RBFOX1: variants seen among roughly 807,000 people sequenced by gnomAD.
RBFOX1 encodes RNA binding fox-1 homolog 1.
Under a neutral mutation model 57.7 loss-of-function variants are expected in RBFOX1, and 8 were observed. The observed-to-expected ratio is 0.14, with a 90% CI of 0.08 to 0.25. RBFOX1 has a LOEUF of 0.25. Among genes scored for constraint, RBFOX1 ranks in the 10% least tolerant of loss-of-function variants. The probability of loss-of-function intolerance (pLI) is 1.00; values close to 1 mark genes in which losing one functional copy is unlikely to be tolerated. For synonymous variants in RBFOX1, 326 were observed against 222.4 expected (o/e 1.47, Z -4.15); for missense variants, 611 against 548.5 (o/e 1.11, Z -1.14).
intron 3 of RBFOX1, among the ~76,000 whole-genome samples, chr16:6,828,593 G>A (rs1318157559): frequency 3.3e-5 from 5 of 151,732 alleles, no homozygotes; most frequent in African/African-American, 7.3e-5. Context: ...CTGAAAAACC[G>A]GGCATGGACC....
chr16:6,925,313 TA>T (rs59524040), intron 3 of RBFOX1, among the ~76,000 whole-genome samples: 6,873 of 150,974 alleles, frequency 0.046, 516 homozygotes, highest in African/African-American at 0.16. Flanking sequence ...TTTGTAGAGA[TA>T]GGGTTTCGTC....
chr16:5,387,115 G>A (rs1432023213), intron 1 of RBFOX1, among the ~76,000 whole-genome samples: 2 of 152,200 alleles, frequency 1.3e-5, no homozygotes, highest in Non-Finnish European at 2.9e-5. Context: ...TTAGGCTTGA[G>A]CTGTCTCCCC....
At chr16:6,752,728 A>T (rs898533956) in intron 3 of RBFOX1, among the ~76,000 whole-genome samples, 1 of 152,128 alleles carries the variant, frequency 6.6e-6, no homozygotes, top group Non-Finnish European at 1.5e-5. Context: ...CTTGATTTCA[A>T]AACTTTCCTA....
intron 4 of RBFOX1, among the ~76,000 whole-genome samples, chr16:7,289,848 C>T (rs973296077): frequency 5.3e-5 from 8 of 152,174 alleles, no homozygotes; most frequent in Admixed American, 3.9e-4. Flanking sequence ...TTTTAAATAA[C>T]TTGCCAAAAG....
At chr16:6,089,206 C>G (rs1349892043) in intron 1 of RBFOX1, among the ~76,000 whole-genome samples, 1 of 151,850 alleles carries the variant, frequency 6.6e-6, no homozygotes, top group African/African-American at 2.4e-5. Flanking sequence ...ATTCTGCATT[C>G]CAGGAGAACA....
chr16:5,834,722 GATACATAGATACATACATAC>G (rs1269384934), intron 3 of RBFOX1, among the ~76,000 whole-genome samples: 7 of 133,724 alleles, frequency 5.2e-5, no homozygotes, highest in African/African-American at 2.2e-4. Flanking sequence ...TAGATACATA[GATACATAGATACATACATAC>G]ATACATACAT....
At chr16:5,478,229 G>A (rs1001293423) in intron 2 of RBFOX1, among the ~76,000 whole-genome samples, 6 of 151,660 alleles carry the variant, frequency 4.0e-5, no homozygotes, top group African/African-American at 1.5e-4. Context: ...ACTAGCGAAG[G>A]GAGTTTGATT....
intron 4 of RBFOX1, among the ~76,000 whole-genome samples, chr16:7,380,947 T>C (rs1373334452): frequency 1.3e-5 from 2 of 152,326 alleles, no homozygotes; most frequent in East Asian, 3.9e-4. Flanking sequence ...GAAAGAACAG[T>C]ATTTTGAATC....
At chr16:6,868,497 A>C (rs2143001237) in intron 3 of RBFOX1, among the ~76,000 whole-genome samples, 1 of 152,040 alleles carries the variant, frequency 6.6e-6, no homozygotes, top group Non-Finnish European at 1.5e-5. Flanking sequence ...TTTTTGAGAC[A>C]GTCTCACTCT....
chr16:6,245,152 T>G (rs2097562176), intron 1 of RBFOX1, among the ~76,000 whole-genome samples: 3 of 152,178 alleles, frequency 2.0e-5, no homozygotes, highest in Admixed American at 2.0e-4. Context: ...AACTCACAAA[T>G]AAATGCGTGA....
intron 3 of RBFOX1, among the ~76,000 whole-genome samples, chr16:7,024,305 G>C (rs183975249): frequency 1.3e-5 from 2 of 152,300 alleles, no homozygotes; most frequent in South Asian, 4.1e-4. Flanking sequence ...GCCTGGTTCT[G>C]TGACATTGTG....
intron 4 of RBFOX1, among the ~76,000 whole-genome samples, chr16:5,991,659 T>G: frequency 6.6e-6 from 1 of 150,872 alleles, no homozygotes. Flanking sequence ...TTTTTTTTTT[T>G]TTTTTTTCTT....
At chr16:7,445,111 G>C (rs2098798303) in intron 4 of RBFOX1, among the ~76,000 whole-genome samples, 1 of 151,740 alleles carries the variant, frequency 6.6e-6, no homozygotes, top group Non-Finnish European at 1.5e-5. Context: ...GCTTGGTGCT[G>C]ATGAGGAATG....
chr16:5,268,459 T>G (rs1326502498), intron 1 of RBFOX1, among the ~76,000 whole-genome samples: 2 of 152,244 alleles, frequency 1.3e-5, no homozygotes, highest in African/African-American at 4.8e-5. Context: ...ATAAAAAATC[T>G]AGTACAGTCA....
chr16:6,432,156 A>T (rs1018994151), intron 2 of RBFOX1, among the ~76,000 whole-genome samples: 1 of 151,856 alleles, frequency 6.6e-6, no homozygotes, highest in African/African-American at 2.4e-5. Flanking sequence ...TTTTGTAAAG[A>T]TGGGGGTCTG....
chr16:5,272,178 A>G (rs917208772), intron 1 of RBFOX1, among the ~76,000 whole-genome samples: 3 of 152,228 alleles, frequency 2.0e-5, no homozygotes, highest in Non-Finnish European at 4.4e-5. Flanking sequence ...ACTATAGTCA[A>G]TAATAAAGTA....
chr16:6,386,868 T>C (rs900070139), intron 2 of RBFOX1, among the ~76,000 whole-genome samples: 2 of 152,004 alleles, frequency 1.3e-5, no homozygotes, highest in Non-Finnish European at 2.9e-5. Flanking sequence ...GTATGGGTGG[T>C]GAGAAAGGCG....
intron 4 of RBFOX1, among the ~76,000 whole-genome samples, chr16:5,874,567 G>A (rs1030782462): frequency 6.6e-6 from 1 of 152,104 alleles, no homozygotes; most frequent in Non-Finnish European, 1.5e-5. Context: ...ACATTTTGAA[G>A]GAGAAGGAAG....
rs76756023 is a variant in RBFOX1, at chr16:5,947,553, C to T, written c.351+80218C>T. ...GCCTAGGCTGGTGTCAGACTCCTAG[C>T]CCCAAGCAATTCTCACATATCAGCC... is the stretch of plus-strand genomic sequence containing the variant. On this transcript the variant is annotated intron_variant, in intron 4 of 19. Transcript: ENST00000641259. This position sits in a 1 kb window ranked among gnomAD's most constrained non-coding sequence, Gnocchi z 7.2. Among the ~76,000 whole-genome samples, 5,305 of 152,176 alleles carry T rather than the reference C, an allele frequency of 0.035. 310 individuals are homozygous for T. Among genetic ancestry groups the T allele is most frequent in the African/African-American group, 0.12 (4,972 of 41,488 alleles).
Sources: gnomAD v4.1 joint callset for allele counts (sites outside exome capture counted in the v4.1 genomes callset) on GRCh38, gnomAD v4.1.1 for gene constraint, Gnocchi (gnomAD v3.1) non-coding constraint, MANE v1.5 for transcripts, NCBI Gene and HGNC (gene_info 2026-07-23, HGNC 2026-07-21) for gene names.